The following QTMAN variants were observed in gnomAD, a reference collection of about 807,000 sequenced individuals.
QTMAN encodes queuosine-tRNA mannosyltransferase.
chr2:144,207,612 GT>G, the QTMAN span, among the ~76,000 whole-genome samples: 2 of 152,006 alleles, frequency 1.3e-5, no homozygotes, highest in African/African-American at 4.8e-5. Flanking sequence ...AACACTTAAA[GT>G]TTTATATCAT....
the QTMAN span, among the ~76,000 whole-genome samples, chr2:144,091,036 G>C: frequency 2.0e-5 from 3 of 150,884 alleles, no homozygotes; most frequent in Non-Finnish European, 3.0e-5. Context: ...TTGAGAAACA[G>C]ACACACACAC....
At chr2:144,177,106 T>A in the QTMAN span, 1 of 699,838 alleles carries the variant, frequency 1.4e-6, no homozygotes, top group South Asian at 1.5e-5. Context: ...TCCACCTCCA[T>A]GATCCAATCA....
the QTMAN span, among the ~76,000 whole-genome samples, chr2:144,101,491 C>T: frequency 7.9e-5 from 12 of 152,220 alleles, no homozygotes; most frequent in East Asian, 2.1e-3. Context: ...CCACGCTTCT[C>T]ATGTTCATGT....
At chr2:144,246,647 A>T in the QTMAN span, among the ~76,000 whole-genome samples, 1 of 152,024 alleles carries the variant, frequency 6.6e-6, no homozygotes, top group South Asian at 2.1e-4. Context: ...ATGGGTCTCC[A>T]ATATAGAGTC....
chr2:144,171,191 T>G, the QTMAN span, among the ~76,000 whole-genome samples: 1 of 152,220 alleles, frequency 6.6e-6, no homozygotes, highest in South Asian at 2.1e-4. Context: ...AAATGCTATG[T>G]AACTATATGC....
the QTMAN span, among the ~76,000 whole-genome samples, chr2:144,300,619 A>G: frequency 6.6e-6 from 1 of 152,336 alleles, no homozygotes; most frequent in East Asian, 1.9e-4. Context: ...AAACAGTGTC[A>G]AAAGTGAAAA....
chr2:143,953,113 ATAC>A, the QTMAN span, among the ~76,000 whole-genome samples: 1 of 151,856 alleles, frequency 6.6e-6, no homozygotes, highest in African/African-American at 2.4e-5. Context: ...TGTTTTTAAA[ATAC>A]TGTTTAACAC....
chr2:144,114,886 C>T, the QTMAN span, among the ~76,000 whole-genome samples: 1 of 152,106 alleles, frequency 6.6e-6, no homozygotes, highest in Non-Finnish European at 1.5e-5. Flanking sequence ...ATACTGCAGG[C>T]ATATGTTAAG....
chr2:143,946,817 C>A, the QTMAN span: 1 of 520,064 alleles, frequency 1.9e-6, no homozygotes. Flanking sequence ...CATGTGTAAC[C>A]ATCATAACGT....
the QTMAN span, among the ~76,000 whole-genome samples, chr2:144,027,640 ATG>A: frequency 2.6e-5 from 4 of 152,344 alleles, no homozygotes; most frequent in South Asian, 8.3e-4. Context: ...GTTTTAAACT[ATG>A]TTACTAAGTA....
chr2:144,036,306 C>T, the QTMAN span, among the ~76,000 whole-genome samples: 1 of 152,056 alleles, frequency 6.6e-6, no homozygotes, highest in Non-Finnish European at 1.5e-5. Context: ...AAAGGAAAAG[C>T]CTTGGCTGCA....
chr2:143,939,836 C>T, the QTMAN span: 1 of 152,178 alleles, frequency 6.6e-6, no homozygotes, highest in Non-Finnish European at 1.5e-5. Context: ...ACTTCCCTCC[C>T]TCCCTTTTAT....
the QTMAN span, among the ~76,000 whole-genome samples, chr2:144,066,267 A>G: frequency 2.0e-5 from 3 of 152,062 alleles, no homozygotes; most frequent in Non-Finnish European, 4.4e-5. Flanking sequence ...TTTCTGGACT[A>G]CATACTAGGA....
the QTMAN span, among the ~76,000 whole-genome samples, chr2:144,194,487 A>G: frequency 6.6e-6 from 1 of 152,224 alleles, no homozygotes; most frequent in Non-Finnish European, 1.5e-5. Context: ...GGAATGCCCA[A>G]ACATTGAAGA....
chr2:144,201,097 G>A, the QTMAN span, among the ~76,000 whole-genome samples: 3 of 152,050 alleles, frequency 2.0e-5, no homozygotes, highest in Admixed American at 2.0e-4. Flanking sequence ...AAAATGGGGA[G>A]AAAAAAATCA....
At chr2:144,293,535 T>G in the QTMAN span, among the ~76,000 whole-genome samples, 1 of 152,132 alleles carries the variant, frequency 6.6e-6, no homozygotes, top group East Asian at 1.9e-4. Context: ...AAGACAAGGA[T>G]AGATTTGAAC....
At chr2:144,301,217 T>C in the QTMAN span, among the ~76,000 whole-genome samples, 1 of 152,130 alleles carries the variant, frequency 6.6e-6, no homozygotes, top group Non-Finnish European at 1.5e-5. Flanking sequence ...TTTTGTCTTG[T>C]TTTTTTGTTT....
chr2:144,255,266 A>G, the QTMAN span, among the ~76,000 whole-genome samples: 1 of 152,064 alleles, frequency 6.6e-6, no homozygotes, highest in African/African-American at 2.4e-5. Flanking sequence ...GTGCCATGGG[A>G]GGGGCCTGGT....
At chr2:144,099,470 A>G in the QTMAN span, among the ~76,000 whole-genome samples, 1 of 152,222 alleles carries the variant, frequency 6.6e-6, no homozygotes, top group Non-Finnish European at 1.5e-5. Flanking sequence ...GTCCAGAGTA[A>G]CGAAAGGACT....
Sources: allele counts gnomAD v4.1 joint callset (sites outside exome capture counted in the v4.1 genomes callset), GRCh38; gene constraint gnomAD v4.1.1; transcripts MANE v1.5; gene names NCBI Gene and HGNC (gene_info 2026-07-23, HGNC 2026-07-21).